The following CTIF variants were observed in gnomAD, a reference collection of about 807,000 sequenced individuals.
CTIF encodes the protein CBP80/20-dependent translation initiation factor.
CTIF carries 21 observed loss-of-function variants against 66.0 expected under a neutral mutation model. The ratio of observed to expected loss-of-function variants is 0.32; its 90% confidence interval spans 0.23 to 0.46. The LOEUF (loss-of-function observed/expected upper bound fraction) is 0.46, where lower values mean the gene tolerates loss of function less well. CTIF is among the 20% of genes least tolerant of loss of function. The pLI, the probability that CTIF is intolerant of heterozygous loss-of-function variation, is 1.00. For missense variants in CTIF, 739 were observed against 812.7 expected (o/e 0.91, Z 1.10); for synonymous variants, 345 against 326.4 (o/e 1.06, Z -0.62).
In CTIF at chr18:48,812,782, A is replaced by G. The variant is rs796756701; in HGVS notation, c.1372-4439A>G. ...AAAAAAAAAAAAAATGAAAAAAGAA[A>G]AGAAAATTATTCCGCTAAGTAAAAC... On this transcript the variant is annotated intron_variant, in intron 9 of 11. Transcript: ENST00000256413. 8.9e-4 allele frequency among the ~76,000 whole-genome samples: 136 copies of G among 152,102 alleles called. 1 individual carries two copies. Among genetic ancestry groups the G allele is most frequent in the African/African-American group, 3.1e-3 (130 of 41,536 alleles).
chr18:48,541,605 A>G (rs2145451022), intron 1 of CTIF, among the ~76,000 whole-genome samples: 1 of 152,286 alleles, frequency 6.6e-6, no homozygotes, highest in East Asian at 1.9e-4. Context: ...ACGCTAGAGG[A>G]TGGCCAGGAC....
At chr18:48,659,080 A>G (rs1054302774) in intron 3 of CTIF, among the ~76,000 whole-genome samples, 17 of 152,246 alleles carry the variant, frequency 1.1e-4, no homozygotes, top group Admixed American at 1.1e-3. Context: ...TCCACGTGCT[A>G]GGCTATTTCT....
At chr18:48,739,321 G>A (rs1478058549) in intron 7 of CTIF, among the ~76,000 whole-genome samples, 1 of 152,232 alleles carries the variant, frequency 6.6e-6, no homozygotes. Context: ...TAACCCCCAA[G>A]CTGGATGTCA....
chr18:48,858,492 G>GT (rs1027570778), intron 11 of CTIF, among the ~76,000 whole-genome samples: 3 of 152,188 alleles, frequency 2.0e-5, no homozygotes, highest in African/African-American at 7.2e-5. Context: ...TAGAATAAGT[G>GT]TAAGTACAGA....
intron 7 of CTIF, among the ~76,000 whole-genome samples, chr18:48,721,242 T>A (rs1184437499): frequency 6.6e-6 from 1 of 152,190 alleles, no homozygotes; most frequent in Admixed American, 6.5e-5. Flanking sequence ...GGCACATGTC[T>A]AGTTACCTGC....
chr18:48,773,541 C>A (rs146743591), intron 9 of CTIF, among the ~76,000 whole-genome samples: 1 of 152,372 alleles, frequency 6.6e-6, no homozygotes, highest in East Asian at 1.9e-4. Context: ...TAGCGCTGGT[C>A]CCCTTCCTTC....
intron 8 of CTIF, 152 bp downstream of exon 8, chr18:48,758,557 C>A: frequency 1.1e-6 from 1 of 924,886 alleles, no homozygotes; most frequent in Non-Finnish European, 1.6e-6. Context: ...ACTGTGGGGA[C>A]CAACCACACT....
chr18:48,646,946 T>TAA (rs2091048422), intron 3 of CTIF, among the ~76,000 whole-genome samples: 1 of 138,248 alleles, frequency 7.2e-6, no homozygotes, highest in Non-Finnish European at 1.6e-5. Context: ...AAGTACCATA[T>TAA]GATTTGATTG....
chr18:48,759,551 C>T (rs1336868404), intron 8 of CTIF, among the ~76,000 whole-genome samples: 2 of 152,170 alleles, frequency 1.3e-5, no homozygotes, highest in Non-Finnish European at 2.9e-5. Flanking sequence ...GGCTTTAGAG[C>T]GCAGCTGAGC....
At chr18:48,641,476 G>A (rs147154588) in intron 3 of CTIF, among the ~76,000 whole-genome samples, 79 of 152,350 alleles carry the variant, frequency 5.2e-4, no homozygotes, top group African/African-American at 1.8e-3. Context: ...CCCTGGGAAA[G>A]ATGGGGGTGT....
In CTIF at chr18:48,697,397, A is replaced by G. The variant is rs370748480; in HGVS notation, c.508-14222A>G. Among the ~76,000 whole-genome samples the G allele has an allele frequency of 2.0e-5, 3 of 152,320 alleles. No homozygotes were observed. In the South Asian group the frequency reaches 6.2e-4, roughly 32 times the overall value. On this transcript the variant is annotated intron_variant, in intron 6 of 11. Coordinates refer to ENST00000256413, the MANE Select transcript of CTIF (RefSeq NM_014772.3). ...TCCAGTGTGCTGTGTGACCAGATGG[A>G]TTCCTTCTCATGGGAACTGGGATCA...
chr18:48,857,330 G>A (rs2069351927), intron 10 of CTIF, among the ~76,000 whole-genome samples: 1 of 152,232 alleles, frequency 6.6e-6, no homozygotes, highest in Non-Finnish European at 1.5e-5. Flanking sequence ...GTTCAGACCT[G>A]GCCCAGGGGC....
chr18:48,840,628 A>G (rs1322743901), intron 10 of CTIF, among the ~76,000 whole-genome samples: 1 of 152,160 alleles, frequency 6.6e-6, no homozygotes, highest in East Asian at 1.9e-4. Flanking sequence ...TTCTCAGCCC[A>G]GGCCTGTCTG....
intron 6 of CTIF, among the ~76,000 whole-genome samples, chr18:48,695,033 A>G (rs2091985535): frequency 6.6e-6 from 1 of 152,184 alleles, no homozygotes; most frequent in African/African-American, 2.4e-5. Context: ...TTGACCACAC[A>G]CTTGTCAGGG....
intron 2 of CTIF, among the ~76,000 whole-genome samples, chr18:48,624,710 C>T (rs1226628487): frequency 6.6e-6 from 1 of 152,204 alleles, no homozygotes; most frequent in African/African-American, 2.4e-5. Flanking sequence ...TATTCATAAG[C>T]CTGTGCATGA....
intron 6 of CTIF, among the ~76,000 whole-genome samples, chr18:48,695,913 G>A (rs966092189): frequency 2.6e-5 from 4 of 152,320 alleles, no homozygotes; most frequent in Middle Eastern, 3.4e-3. Context: ...TGTCTCCTCC[G>A]CATGTGACTC....
chr18:48,835,976 C>G (rs1453560649), intron 10 of CTIF, among the ~76,000 whole-genome samples: 2 of 152,194 alleles, frequency 1.3e-5, no homozygotes, highest in African/African-American at 4.8e-5. Flanking sequence ...CCCTCTGCCC[C>G]CCACTGTAGG....
chr18:48,627,554 A>G (rs2090625150), intron 2 of CTIF, among the ~76,000 whole-genome samples: 1 of 151,950 alleles, frequency 6.6e-6, no homozygotes, highest in Admixed American at 6.6e-5. Context: ...CTCAGTCTCT[A>G]CTATAAATAC....
chr18:48,605,949 T>C (rs16949603), intron 1 of CTIF, among the ~76,000 whole-genome samples: 25,299 of 152,258 alleles, frequency 0.17, 3,181 homozygotes, highest in African/African-American at 0.36. Context: ...TACTTGATCA[T>C]GTTCCAGAGA....
Sources: gnomAD v4.1 joint callset for allele counts (sites outside exome capture counted in the v4.1 genomes callset) on GRCh38, gnomAD v4.1.1 for gene constraint, MANE v1.5 for transcripts, NCBI Gene and HGNC (gene_info 2026-07-23, HGNC 2026-07-21) for gene names.